IAH1: variants seen among roughly 807,000 people sequenced by gnomAD.
IAH1 encodes the protein isoamyl acetate hydrolyzing esterase 1 (putative).
IAH1 carries 24 observed loss-of-function variants against 26.7 expected under a neutral mutation model. That is an observed-to-expected ratio of 0.90 (90% confidence interval 0.65 to 1.26). IAH1 has a LOEUF of 1.26. IAH1 is among the 50% of genes most tolerant of loss of function. The pLI, the probability that IAH1 is intolerant of heterozygous loss-of-function variation, is 0.00. For missense variants in IAH1, 300 were observed against 299.9 expected (o/e 1.00, Z 0.00); for synonymous variants, 140 against 118.5 (o/e 1.18, Z -1.18).
At chr2:9,477,713 GT>G (rs369139204) in intron 2 of IAH1, among the ~76,000 whole-genome samples, 82 of 150,636 alleles carry the variant, frequency 5.4e-4, no homozygotes, top group African/African-American at 1.9e-3. Context: ...GAATCCAACT[GT>G]TTTTAAGAAG....
chr2:9,476,155 C>T, intron 2 of IAH1, 116 bp downstream of exon 2: 1 of 837,696 alleles, frequency 1.2e-6, no homozygotes, highest in South Asian at 1.5e-5. Context: ...TTTTGCTTGC[C>T]TCCCCTAATC....
At chr2:9,487,831 TGTGCGCGC>T (rs776532072) in intron 5 of IAH1, among the ~76,000 whole-genome samples, 4,074 of 79,912 alleles carry the variant, frequency 0.051, 69 homozygotes, top group Middle Eastern at 0.12. Context: ...TGTGTGTGTG[TGTGCGCGC>T]GCGCGCGCGC....
intron 5 of IAH1, chr2:9,484,813 G>C (rs1661383778): frequency 1.6e-5 from 6 of 373,974 alleles, no homozygotes; most frequent in Non-Finnish European, 2.9e-5. Flanking sequence ...TCATATTTAT[G>C]AACGTCCAGG....
At chr2:9,484,308 G>A in intron 4 of IAH1, 124 bp from the exon 5 acceptor site, 8 of 763,192 alleles carry the variant, frequency 1.0e-5, no homozygotes. Flanking sequence ...AAACCCCGGG[G>A]CTGGCCCAAG....
chr2:9,483,963 C>T (rs1248577173), intron 4 of IAH1, among the ~76,000 whole-genome samples: 1 of 152,162 alleles, frequency 6.6e-6, no homozygotes, highest in Non-Finnish European at 1.5e-5. Flanking sequence ...TGTCTAAAGC[C>T]GACAAATGAT....
intron 5 of IAH1, among the ~76,000 whole-genome samples, chr2:9,487,823 TGTGTGTGTGTGCGCGCGC>T (rs1254071477): frequency 9.2e-5 from 9 of 97,336 alleles, no homozygotes; most frequent in South Asian, 2.9e-4. Flanking sequence ...TGTGTGTGTG[TGTGTGTGTGTGCGCGCGC>T]GCGCGCGCGC....
chr2:9,478,004 T>C (rs59018063), intron 2 of IAH1, among the ~76,000 whole-genome samples: 26,904 of 152,078 alleles, frequency 0.18, 2,503 homozygotes, highest in Middle Eastern at 0.3. Flanking sequence ...ATTACTTCTC[T>C]CACGGAGGAG....
downstream of IAH1, chr2:9,493,932 A>G: frequency 1.1e-6 from 1 of 897,098 alleles, no homozygotes; most frequent in Non-Finnish European, 1.7e-6. Context: ...ATTAAAATCA[A>G]ACGTTTTCCC....
chr2:9,511,815 A>G, the IAH1 span, among the ~76,000 whole-genome samples: 6 of 151,966 alleles, frequency 3.9e-5, no homozygotes, highest in Non-Finnish European at 4.4e-5. Context: ...TACTAAAAAT[A>G]TAAAACCTAG....
At chr2:9,479,050 CCT>C (rs778463627) in intron 3 of IAH1, among the ~76,000 whole-genome samples, 1 of 152,088 alleles carries the variant, frequency 6.6e-6, no homozygotes, top group Non-Finnish European at 1.5e-5. Context: ...CCGTAGGAGA[CCT>C]CTGAGTTGAG....
the IAH1 span, chr2:9,509,966 G>C: frequency 6.2e-7 from 1 of 1,612,732 alleles, no homozygotes; most frequent in Admixed American, 1.7e-5. Flanking sequence ...AAAAATTCTC[G>C]ACACACACAT....
chr2:9,508,991 C>CA, the IAH1 span, among the ~76,000 whole-genome samples: 78,011 of 150,260 alleles, frequency 0.52, 21,007 homozygotes, highest in Middle Eastern at 0.68. Flanking sequence ...CATAAAAAGC[C>CA]AAAAAAAAAT....
chr2:9,488,398 C>CT lies in IAH1; in HGVS notation c.*75dup. The CT allele has an allele frequency of 8.0e-7, 1 of 1,246,758 alleles. No homozygotes were observed. The highest frequency in any genetic ancestry group is 1.1e-6 in the Non-Finnish European group (1 of 902,996). The allele number at this position is 1,246,758 out of a possible 1,614,324, so 77.2% of individuals were successfully genotyped here. ...AAAGTTGTCAATACGTAGAGGTACG[C>CT]TTTTTTCCTCAGGCTTAAACCTTTG... On this transcript the variant is annotated 3_prime_UTR_variant, in exon 6 of 6. Transcript: ENST00000497473.
intron 4 of IAH1, among the ~76,000 whole-genome samples, chr2:9,482,788 G>A (rs1008030873): frequency 1.9e-4 from 29 of 152,318 alleles, no homozygotes; most frequent in African/African-American, 5.8e-4. Flanking sequence ...GCCACACACC[G>A]GAGGCACAGA....
At chr2:9,505,251 C>T in the IAH1 span, 1 of 1,614,216 alleles carries the variant, frequency 6.2e-7, no homozygotes, top group Non-Finnish European at 8.5e-7. Context: ...TCACACTCTT[C>T]TCCTTCATCC....
the IAH1 span, chr2:9,509,975 A>C: frequency 6.2e-7 from 1 of 1,613,756 alleles, no homozygotes; most frequent in Non-Finnish European, 8.5e-7. Context: ...CGACACACAC[A>C]TACCTTATTG....
At position 9,489,737 on chromosome 2, in the gene IAH1, A is replaced by C. The variant is rs915535826; in HGVS notation, c.*1408A>C. On this transcript the variant is annotated 3_prime_UTR_variant, in exon 6 of 6. Coordinates refer to ENST00000497473, the MANE Select transcript of IAH1 (RefSeq NM_001039613.3). ...TTTTAGTTGAAGGCAAAAAAAAAAA[A>C]AAAAAAAAAAAACTATTCCAGTTGT... The C allele has an allele frequency of 1.3e-5, 2 of 152,134 alleles. No individual in the cohort carries two copies. Among genetic ancestry groups the C allele is most frequent in the African/African-American group, 4.8e-5 (2 of 41,314 alleles). The allele number at this position is 152,134 out of a possible 1,614,324, so 9.4% of individuals were successfully genotyped here. A position where few individuals can be genotyped will look rare whatever the true frequency, so the allele number is the denominator to read the frequency against.
chr2:9,489,259 A>ATTTTTTTTTTTTTTTTTTTTTTTTTTTTT lies in IAH1; in HGVS notation c.*954_*955insTTTTTTTTTTTTTTTTTTTTTTTTTTTTT, dbSNP rs34525911. The stretch of plus-strand genomic sequence containing the variant: ...AATATTCTAGGTTTGTAGATAGTGA[A>ATTTTTTTTTTTTTTTTTTTTTTTTTTTTT]TTTTTTTTTTTTTTTTTTTTTTTTG... On this transcript the variant is annotated 3_prime_UTR_variant, in exon 6 of 6. Coordinates refer to ENST00000497473, the MANE Select transcript of IAH1 (RefSeq NM_001039613.3). 9.2e-5 allele frequency: 8 copies of ATTTTTTTTTTTTTTTTTTTTTTTTTTTTT among 87,398 alleles called. No homozygotes were observed. Among genetic ancestry groups the ATTTTTTTTTTTTTTTTTTTTTTTTTTTTT allele is most frequent in the African/African-American group, 4.5e-4 (7 of 15,528 alleles). 5.4% of individuals were successfully genotyped at this position (87,398 alleles called of 1,614,324 possible).
the IAH1 span, chr2:9,502,405 T>G: frequency 1.4e-6 from 1 of 727,760 alleles, no homozygotes; most frequent in South Asian, 1.7e-5. Context: ...CACCCACTCC[T>G]ACATCATCAG....
Sources: gnomAD v4.1 joint callset for allele counts (sites outside exome capture counted in the v4.1 genomes callset) on GRCh38, gnomAD v4.1.1 for gene constraint, MANE v1.5 for transcripts, NCBI Gene and HGNC (gene_info 2026-07-23, HGNC 2026-07-21) for gene names.